FOXP1: variants seen among roughly 807,000 people sequenced by gnomAD.
The protein encoded by FOXP1 is forkhead box P1.
Under a neutral mutation model 98.2 loss-of-function variants are expected in FOXP1, and 15 were observed. The ratio of observed to expected loss-of-function variants is 0.15; its 90% CI spans 0.10 to 0.24. The LOEUF (loss-of-function observed/expected upper bound fraction) is 0.24. FOXP1 is among the 10% of genes least tolerant of loss of function. The pLI, the probability that FOXP1 is intolerant of heterozygous loss-of-function variation, is 1.00. For missense variants in FOXP1, 633 were observed against 848.5 expected, an observed-to-expected ratio of 0.75 and a Z score of 3.15; for synonymous variants, 371 against 314.5, an observed-to-expected ratio of 1.18 and a Z score of -1.90.
At chr3:71,113,220 T>C (rs971167417) in intron 6 of FOXP1, among the ~76,000 whole-genome samples, 3 of 152,138 alleles carry the variant, frequency 2.0e-5, no homozygotes, top group Non-Finnish European at 4.4e-5. Flanking sequence ...AGAGGAAAAT[T>C]TGGCAAATCT....
chr3:71,508,903 G>A (rs968762134), intron 2 of FOXP1, among the ~76,000 whole-genome samples: 3 of 152,146 alleles, frequency 2.0e-5, no homozygotes, highest in South Asian at 2.1e-4. Context: ...AGATGAAGAG[G>A]GCAACAGCTC....
At chr3:70,991,851 T>C (rs1465446778) in intron 13 of FOXP1, among the ~76,000 whole-genome samples, 1 of 152,210 alleles carries the variant, frequency 6.6e-6, no homozygotes, top group African/African-American at 2.4e-5. Context: ...AGTTGTATGA[T>C]GCTTGGTCTG....
chr3:71,039,350 C>T (rs187773191), intron 11 of FOXP1, among the ~76,000 whole-genome samples: 1 of 152,258 alleles, frequency 6.6e-6, no homozygotes, highest in East Asian at 1.9e-4. Flanking sequence ...AACTTAGTCT[C>T]CCAGAATTAG....
intron 3 of FOXP1, among the ~76,000 whole-genome samples, chr3:71,471,246 T>TTA (rs996282898): frequency 2.6e-5 from 4 of 151,190 alleles, no homozygotes; most frequent in Non-Finnish European, 5.9e-5. Context: ...ACATATTTAA[T>TTA]TATATATATA....
chr3:71,104,098 T>C (rs1305486220), intron 7 of FOXP1, among the ~76,000 whole-genome samples: 1 of 152,166 alleles, frequency 6.6e-6, no homozygotes, highest in Non-Finnish European at 1.5e-5. Context: ...GGGATAATGA[T>C]GTAGTGGTCT....
At chr3:71,248,177 G>A (rs747285506) in intron 5 of FOXP1, among the ~76,000 whole-genome samples, 18 of 152,150 alleles carry the variant, frequency 1.2e-4, no homozygotes, top group Non-Finnish European at 2.2e-4. Flanking sequence ...TGCCACACAG[G>A]AGCCCAAAAT....
intron 5 of FOXP1, among the ~76,000 whole-genome samples, chr3:71,240,690 T>TG (rs1242545225): frequency 4.6e-5 from 7 of 151,416 alleles, no homozygotes; most frequent in Non-Finnish European, 1.0e-4. Context: ...TACAGGCGCG[T>TG]GCCACCATGC....
At chr3:71,149,614 ATTATT>A (rs2060476842) in intron 6 of FOXP1, among the ~76,000 whole-genome samples, 1 of 152,200 alleles carries the variant, frequency 6.6e-6, no homozygotes, top group Non-Finnish European at 1.5e-5. Flanking sequence ...TAAGCTCAGT[ATTATT>A]TTGTTTGCTA....
chr3:71,123,252 C>A (rs1341245592), intron 6 of FOXP1, among the ~76,000 whole-genome samples: 1 of 152,214 alleles, frequency 6.6e-6, no homozygotes, highest in Non-Finnish European at 1.5e-5. Flanking sequence ...GCATCTGAAT[C>A]CCTGCAGCAG....
At chr3:71,122,106 T>C (rs557196157) in intron 6 of FOXP1, among the ~76,000 whole-genome samples, 2 of 152,350 alleles carry the variant, frequency 1.3e-5, no homozygotes, top group African/African-American at 4.8e-5. Flanking sequence ...GGATTTTCCA[T>C]GATTTTCCTA....
chr3:71,242,234 G>T (rs1402561233), intron 5 of FOXP1, among the ~76,000 whole-genome samples: 2 of 152,138 alleles, frequency 1.3e-5, no homozygotes, highest in African/African-American at 2.4e-5. Context: ...TGTTCAAATC[G>T]TGCTGAGTCA....
chr3:71,085,512 C>CCTGTTACTGTGAA, intron 7 of FOXP1, among the ~76,000 whole-genome samples: 1 of 151,868 alleles, frequency 6.6e-6, no homozygotes, highest in Non-Finnish European at 1.5e-5. Context: ...CATTTATTTT[C>CCTGTTACTGTGAA]CTGTTACTGT....
At chr3:70,974,934 T>G (rs1167560741) in intron 17 of FOXP1, among the ~76,000 whole-genome samples, 3 of 152,168 alleles carry the variant, frequency 2.0e-5, no homozygotes, top group African/African-American at 7.2e-5. Context: ...AAACTGCACA[T>G]CTAAGCAGAA....
chr3:71,236,021 T>C (rs576198973), intron 5 of FOXP1, among the ~76,000 whole-genome samples: 24 of 152,336 alleles, frequency 1.6e-4, no homozygotes, highest in African/African-American at 5.3e-4. Context: ...CAGGACCGCA[T>C]GTAACAATTC....
At chr3:71,029,515 T>G (rs1224187925) in intron 11 of FOXP1, among the ~76,000 whole-genome samples, 1 of 152,056 alleles carries the variant, frequency 6.6e-6, no homozygotes, top group Admixed American at 6.5e-5. Context: ...CTCAGTCTCC[T>G]GAGTAGCTGG....
intron 19 of FOXP1, 108 bp downstream of exon 19, chr3:70,970,628 T>C (rs2036014293): frequency 2.0e-6 from 2 of 985,488 alleles, no homozygotes; most frequent in Non-Finnish European, 3.3e-6. Context: ...GAAAAAAGTT[T>C]AACGGAATTA....
chr3:70,967,869 T>C (rs1377909192), intron 19 of FOXP1, among the ~76,000 whole-genome samples: 1 of 152,010 alleles, frequency 6.6e-6, no homozygotes, highest in Admixed American at 6.5e-5. Flanking sequence ...AATTTCACTA[T>C]TCCAAGGTCA....
At chr3:71,156,552 A>G (rs1481453653) in intron 6 of FOXP1, among the ~76,000 whole-genome samples, 2 of 152,212 alleles carry the variant, frequency 1.3e-5, no homozygotes, top group African/African-American at 4.8e-5. Context: ...TTGCAGAATG[A>G]GGCTAGCATT....
At chr3:71,579,828 T>G (rs2048016953) in intron 2 of FOXP1, among the ~76,000 whole-genome samples, 1 of 151,962 alleles carries the variant, frequency 6.6e-6, no homozygotes, top group Admixed American at 6.6e-5. Flanking sequence ...GACTTAATAT[T>G]CCTTTAATAC....
Sources: gnomAD v4.1 joint callset for allele counts (sites outside exome capture counted in the v4.1 genomes callset) on GRCh38, gnomAD v4.1.1 for gene constraint, MANE v1.5 for transcripts, NCBI Gene and HGNC (gene_info 2026-07-23, HGNC 2026-07-21) for gene names.